Variants in MRPS10 observed in about 807,000 individuals in gnomAD.
MRPS10 encodes the protein small ribosomal subunit protein uS10m.
In MRPS10, 23 loss-of-function variants were observed where a neutral mutation model predicts 27.5. The ratio of observed to expected loss-of-function variants is 0.84; its 90% CI spans 0.60 to 1.18. MRPS10 has a LOEUF of 1.18. Ranked by LOEUF, MRPS10 falls within the 50% of genes most tolerant of loss-of-function variation. The pLI, the probability that MRPS10 is intolerant of heterozygous loss-of-function variation, is 0.00. For synonymous variants in MRPS10, 88 were observed against 84.2 expected (o/e 1.04, Z -0.25); for missense variants, 237 against 240.1 (o/e 0.99, Z 0.09).
At chr6:42,211,673 CAAAA>C (rs35472345) in intron 4 of MRPS10, 104 bp downstream of exon 4, 1,751 of 673,000 alleles carry the variant, frequency 2.6e-3, no homozygotes, top group South Asian at 3.6e-3. Flanking sequence ...GACTCTGTCT[CAAAA>C]AAAAAAAAAA....
rs760551418 is a variant in MRPS10, at chr6:42,207,049, A to AT, written c.*1239dup. ...AATGAAGCACTTCTCTGGGGTTGCT[A>AT]TACCAACTGTTTCAGCCCATTGTAG... On this transcript the variant is annotated 3_prime_UTR_variant, in exon 7 of 7. Coordinates refer to ENST00000053468, the MANE Select transcript of MRPS10 (RefSeq NM_018141.4). The AT allele has an allele frequency of 7.9e-5, 12 of 152,334 alleles. No homozygotes were observed. Among genetic ancestry groups the AT allele is most frequent in the Non-Finnish European group, 1.8e-4 (12 of 68,030 alleles). 9.4% of individuals were successfully genotyped at this position (152,334 alleles called of 1,614,324 possible). A position where few individuals can be genotyped will look rare whatever the true frequency, so the allele number is the denominator to read the frequency against.
chr6:42,209,048 G>A, intron 5 of MRPS10, 101 bp from the exon 6 acceptor site: 2 of 725,878 alleles, frequency 2.8e-6, no homozygotes, highest in South Asian at 1.8e-5. Context: ...TGCCTGGGCT[G>A]GAGTGTGTGC....
At chr6:42,217,051 G>A (rs1479395862) in intron 1 of MRPS10, among the ~76,000 whole-genome samples, 3 of 152,142 alleles carry the variant, frequency 2.0e-5, no homozygotes, top group African/African-American at 7.2e-5. Flanking sequence ...CTTTTATTAA[G>A]CCAGAAATTA....
chr6:42,214,284 G>A lies in MRPS10; in HGVS notation c.109C>T (p.Leu37Phe). ...CACATCCAATTGTATACTTACAGAA[G>A]CAAGCCACCATTTTTGGCTGTATTG... Reference protein sequence around the residue: ...KGNTAKNGGLLLSTNMKWVQF... With the variant: ...KGNTAKNGGLFLSTNMKWVQF... The change falls in exon 2 of 7, where the codon CTT becomes TTT. Residue 37 changes from leucine to phenylalanine, a missense_variant. By Grantham distance (22) the Leu-to-Phe change is conservative. Transcript: ENST00000053468. The A allele has an allele frequency of 6.2e-7, 1 of 1,612,372 alleles. No individual in the cohort carries two copies.
At chr6:42,214,051 C>A (rs1768851625) in intron 3 of MRPS10, 69 bp downstream of exon 3, 3 of 1,355,860 alleles carry the variant, frequency 2.2e-6, no homozygotes, top group South Asian at 1.3e-5. Flanking sequence ...GGAAAAAAAA[C>A]CCAATGAAAT....
chr6:42,217,113 G>A (rs373947165), intron 1 of MRPS10, among the ~76,000 whole-genome samples: 69 of 152,248 alleles, frequency 4.5e-4, no homozygotes, highest in African/African-American at 1.6e-3. Context: ...AGTTTGTTCA[G>A]AAAATATATT....
intron 1 of MRPS10, 88 bp downstream of exon 1, chr6:42,217,714 A>T: frequency 7.1e-7 from 1 of 1,412,854 alleles, no homozygotes; most frequent in South Asian, 1.2e-5. Flanking sequence ...ATCAGGAAAA[A>T]TCCTGATGGG....
intron 1 of MRPS10, among the ~76,000 whole-genome samples, chr6:42,215,376 G>GGAA (rs1554189108): frequency 1.0e-4 from 4 of 38,904 alleles, no homozygotes; most frequent in Non-Finnish European, 2.1e-4. Context: ...AAAAAAAGAA[G>GGAA]TTTAGCATAA....
chr6:42,210,523 G>C lies in MRPS10; in HGVS notation c.397C>G (p.Gln133Glu), dbSNP rs1252600441. ...CTGTAAAGTGTTCTCATTTCATACT[G>C]AACTCTGTGCTTCTTGTAAATATGC... The part of the protein sequence containing the change: ...SVHIYKKHRV[Q>E]YEMRTLYRCL... The change falls in exon 5 of 7, where the codon CAG (glutamine) becomes GAG (glutamate). Residue 133 changes from glutamine to glutamate, a missense_variant. Gln to Glu is a conservative substitution (Grantham distance 29). Around this residue, in one of 3 missense-constraint regions of MRPS10, gnomAD observed 11 missense variants for 34.2 expected, o/e 0.32. Transcript: ENST00000053468. The C allele has an allele frequency of 1.2e-5, 18 of 1,530,262 alleles. No homozygotes were observed. Among genetic ancestry groups the C allele is most frequent in the Non-Finnish European group, 1.6e-5 (18 of 1,125,646 alleles). 94.8% of individuals were successfully genotyped at this position (1,530,262 alleles called of 1,614,324 possible).
chr6:42,214,306 A>G lies in MRPS10; in HGVS notation c.87T>C (p.Asn29=). ...GAAGCAAGCCACCATTTTTGGCTGT[A>G]TTGCCCTTAGAAGTGTTTACAGAAA... ...GNFSVNTSKG[N]TAKNGGLLLS... Residue 29 remains asparagine (N), a synonymous_variant, in exon 2 of 7, where the codon AAT becomes AAC. Coordinates refer to ENST00000053468, the MANE Select transcript of MRPS10 (RefSeq NM_018141.4). 6.2e-7 allele frequency: 1 copy of G among 1,613,106 alleles called. No homozygotes were observed. Among genetic ancestry groups the G allele is most frequent in the Non-Finnish European group, 8.5e-7 (1 of 1,179,362 alleles).
chr6:42,216,551 C>T (rs183040751), intron 1 of MRPS10, among the ~76,000 whole-genome samples: 9 of 151,390 alleles, frequency 5.9e-5, no homozygotes, highest in Non-Finnish European at 1.0e-4. Context: ...TGGCTCAAGG[C>T]TGTAATCCCA....
Position 42,208,073 on chromosome 6 carries a change from CT to C in MRPS10, c.*215del. 1 of 541,536 alleles carries C rather than the reference CT, an allele frequency of 1.8e-6. No individual in the cohort carries two copies. Among genetic ancestry groups the C allele is most frequent in the Non-Finnish European group, 3.2e-6 (1 of 310,158 alleles). 33.5% of individuals were successfully genotyped at this position (541,536 alleles called of 1,614,324 possible). ...AGTCAAAGTGGTTTGCTCATGTTTG[CT>C]GAAATCAGAACTGAAACAATGAATA... is the stretch of plus-strand genomic sequence containing the variant. On this transcript the variant is annotated 3_prime_UTR_variant, in exon 7 of 7. Transcript: ENST00000053468.
At chr6:42,213,237 C>T (rs1562073405) in intron 3 of MRPS10, among the ~76,000 whole-genome samples, 1 of 152,040 alleles carries the variant, frequency 6.6e-6, no homozygotes, top group Non-Finnish European at 1.5e-5. Flanking sequence ...TCACTTGAGG[C>T]CAGGAATTTG....
At chr6:42,208,829 A>C (rs2113858858) in intron 6 of MRPS10, 29 bp downstream of exon 6, 2 of 1,464,796 alleles carry the variant, frequency 1.4e-6, no homozygotes, top group South Asian at 1.1e-5. Context: ...CCACCGCCCC[A>C]CCGAAAGAGG....
intron 1 of MRPS10, among the ~76,000 whole-genome samples, chr6:42,214,934 C>T (rs1768879068): frequency 6.6e-6 from 1 of 152,164 alleles, no homozygotes; most frequent in South Asian, 2.1e-4. Context: ...ATTTCCAAAT[C>T]CTTTACCATC....
Position 42,217,824 on chromosome 6 carries a change from G to T in MRPS10, c.26C>A (p.Ala9Asp), listed in dbSNP as rs141744276. Residue 9 changes from alanine (A) to aspartate (D), a missense_variant, in exon 1 of 7, where the codon GCT becomes GAT. By Grantham distance (126) the Ala-to-Asp change is moderately radical (BLOSUM62 -2). Around this residue, in one of 3 missense-constraint regions of MRPS10, gnomAD observed 164 missense variants for 137.8 expected, o/e 1.19. Transcript: ENST00000053468. ...TACCTGCCAGAGGCGCCGGCACACA[G>T]CACCGAACGCTGTCCGCGCCGCCAT... MAARTAFG[A>D]VCRRLWQGLG... 1 of 1,614,152 alleles carries T rather than the reference G, an allele frequency of 6.2e-7. No homozygotes were observed.
intron 1 of MRPS10, among the ~76,000 whole-genome samples, chr6:42,216,616 G>A (rs1157379438): frequency 1.3e-5 from 2 of 151,536 alleles, no homozygotes; most frequent in Admixed American, 6.6e-5. Context: ...TTCGAGACCA[G>A]CCTGACCGAC....
At position 42,211,994 on chromosome 6, in the gene MRPS10, T is replaced by C. The variant is rs41273808; in HGVS notation, c.187-77A>G. 3,267 of 1,340,720 alleles carry C rather than the reference T, an allele frequency of 2.4e-3. 7 individuals are homozygous for C. Among genetic ancestry groups the C allele is most frequent in the Non-Finnish European group, 3.1e-3 (3,007 of 961,752 alleles). 83.1% of individuals were successfully genotyped at this position (1,340,720 alleles called of 1,614,324 possible). A position where few individuals can be genotyped will look rare whatever the true frequency, so the allele number is the denominator to read the frequency against. On this transcript the variant is annotated intron_variant, in intron 3 of 6. Coordinates refer to ENST00000053468, the MANE Select transcript of MRPS10 (RefSeq NM_018141.4). ...AGCAAATTTAAAACATTAGCCTCAA[T>C]TGAACAACTTCAGAGTTTACTAATA...
intron 1 of MRPS10, among the ~76,000 whole-genome samples, chr6:42,216,469 G>T (rs1387540090): frequency 6.8e-6 from 1 of 146,338 alleles, no homozygotes; most frequent in Non-Finnish European, 1.5e-5. Flanking sequence ...TCTTAATAAA[G>T]CAGTTCAAAA....
Sources: gnomAD v4.1 joint callset for allele counts (sites outside exome capture counted in the v4.1 genomes callset) on GRCh38, gnomAD v4.1.1 for gene constraint, gnomAD v4.1.1 regional missense constraint, MANE v1.5 for transcripts, NCBI Gene and HGNC (gene_info 2026-07-23, HGNC 2026-07-21) for gene names.